TNRC6A: variants seen among roughly 807,000 people sequenced by gnomAD.
The protein encoded by TNRC6A is trinucleotide repeat-containing gene 6A protein.
TNRC6A carries 44 observed loss-of-function variants against 221.2 expected under a neutral mutation model. That is an observed-to-expected ratio of 0.20 (90% CI 0.16 to 0.26). The LOEUF is 0.26. Among genes scored for constraint, TNRC6A ranks in the 10% least tolerant of loss-of-function variants. The pLI is 1.00. For missense variants in TNRC6A, 2,199 were observed against 2,404.4 expected (o/e 0.91, Z 1.79); for synonymous variants, 847 against 838.5 (o/e 1.01, Z -0.18).
intron 3 of TNRC6A, among the ~76,000 whole-genome samples, chr16:24,752,618 T>G (rs899385192): frequency 6.6e-6 from 1 of 152,174 alleles, no homozygotes; most frequent in African/African-American, 2.4e-5. Context: ...AGATTTCTTA[T>G]GAGAAAGTTG....
At chr16:24,815,656 C>G in intron 19 of TNRC6A, 1 of 298,934 alleles carries the variant, frequency 3.3e-6, no homozygotes, top group South Asian at 3.3e-5. Flanking sequence ...GAGATCGAGA[C>G]CATGCTGGCT....
chr16:24,693,481 G>A (rs2055796411), intron 2 of TNRC6A, among the ~76,000 whole-genome samples: 2 of 152,158 alleles, frequency 1.3e-5, no homozygotes, highest in South Asian at 2.1e-4. Context: ...CCAGCTACTC[G>A]GGAGGCTGAG....
chr16:24,630,744 G>C lies in TNRC6A; in HGVS notation n.277-10140G>C, dbSNP rs1271136994. On this transcript the variant is annotated intron_variant and non_coding_transcript_variant, in intron 1 of 2. Transcript: ENST00000566108. Reference sequence around the variant, plus strand: ...GCTATGCTCTCCCCTTTAGGCAAGGGATTCACAGGGCCAAACAAACATGGC... The same window carrying C: ...GCTATGCTCTCCCCTTTAGGCAAGGCATTCACAGGGCCAAACAAACATGGC... 2.0e-5 allele frequency among the ~76,000 whole-genome samples: 3 copies of C among 152,116 alleles called. 1 individual carries two copies. The highest frequency in any genetic ancestry group is 2.0e-4 in the Admixed American group (3 of 15,264).
At position 24,818,701 on chromosome 16, in the gene TNRC6A, G is replaced by A; in HGVS notation, c.5080+1G>A. The A allele has an allele frequency of 6.2e-7, 1 of 1,613,334 alleles. No individual in the cohort carries two copies. Among genetic ancestry groups the A allele is most frequent in the Non-Finnish European group, 8.5e-7 (1 of 1,179,288 alleles). On this transcript the variant is annotated splice_donor_variant, in intron 21 of 24. Coordinates refer to ENST00000395799, the MANE Select transcript of TNRC6A (RefSeq NM_014494.4). LOFTEE classifies it high-confidence loss of function. ...AGCAGTACAGCACAAAGCACTTCAG[G>A]TGGGCCTCGCCTTCGCTCAGGAAGG...
At chr16:24,739,002 A>C (rs535688392) in intron 2 of TNRC6A, among the ~76,000 whole-genome samples, 4 of 152,188 alleles carry the variant, frequency 2.6e-5, no homozygotes, top group Admixed American at 2.6e-4. Context: ...CTGCAGGTGC[A>C]TGCCACCACG....
In TNRC6A at chr16:24,660,739, C is replaced by CTTTTTTTTTTTTTTTTTTT. The variant is rs58299677; in HGVS notation, n.402+19732_402+19750dup. On this transcript the variant is annotated intron_variant and non_coding_transcript_variant, in intron 2 of 2. Transcript: ENST00000566108. Reference sequence around the variant, plus strand: ...TCTTTTTCTTTTTTCTTTTTTTTTTCTTTTTTTTTTTTTTTTTTTTGAGAC... The same window carrying CTTTTTTTTTTTTTTTTTTT: ...TCTTTTTCTTTTTTCTTTTTTTTTTCTTTTTTTTTTTTTTTTTTTTTTTTTTTTTTTTTTTTTTTGAGAC... Among the ~76,000 whole-genome samples the CTTTTTTTTTTTTTTTTTTT allele has an allele frequency of 6.0e-3, 549 of 91,310 alleles. 3 individuals are homozygous for CTTTTTTTTTTTTTTTTTTT. Among genetic ancestry groups the CTTTTTTTTTTTTTTTTTTT allele is most frequent in the East Asian group, 7.0e-3 (19 of 2,712 alleles). The allele number at this position is 91,310 out of a possible 152,430, so 59.9% of individuals were successfully genotyped here.
At chr16:24,628,672 CATATA>C (rs1393366323) in intron 1 of TNRC6A, among the ~76,000 whole-genome samples, 4 of 152,198 alleles carry the variant, frequency 2.6e-5, no homozygotes, top group African/African-American at 9.6e-5. Flanking sequence ...GTATATAATA[CATATA>C]ATATACAAAA....
intron 2 of TNRC6A, among the ~76,000 whole-genome samples, chr16:24,650,118 C>A (rs966927120): frequency 6.6e-6 from 1 of 151,064 alleles, no homozygotes; most frequent in Non-Finnish European, 1.5e-5. Context: ...GCCACCACAC[C>A]CAGCCTCCAG....
rs1197000057 is a variant in TNRC6A at position 24,719,037 on chromosome 16, C to CA, written n.403-31676dup. Among the ~76,000 whole-genome samples, 594 of 85,860 alleles carry CA rather than the reference C, an allele frequency of 6.9e-3. 3 individuals are homozygous for CA. Among genetic ancestry groups the CA allele is most frequent in the Middle Eastern group, 0.022 (3 of 136 alleles). 56.3% of individuals were successfully genotyped at this position (85,860 alleles called of 152,430 possible). A position where few individuals can be genotyped will look rare whatever the true frequency, so the allele number is the denominator to read the frequency against. ...GGGTGACAGAGCAAGACTCTGTCTC[C>CA]AAAAAAAAAAAAAGAAAAGAAAAAG... On this transcript the variant is annotated intron_variant and non_coding_transcript_variant, in intron 2 of 2. Transcript: ENST00000566108.
intron 2 of TNRC6A, among the ~76,000 whole-genome samples, chr16:24,664,500 TA>T (rs1253368661): frequency 1.4e-5 from 2 of 143,222 alleles, no homozygotes; most frequent in Non-Finnish European, 3.0e-5. Flanking sequence ...ATAATAAAAA[TA>T]AATATAATAA....
At chr16:24,759,248 G>T (rs2057313861) in intron 4 of TNRC6A, among the ~76,000 whole-genome samples, 1 of 152,076 alleles carries the variant, frequency 6.6e-6, no homozygotes, top group African/African-American at 2.4e-5. Context: ...AAGTGGGCAG[G>T]GTTGAGGCTG....
chr16:24,739,169 C>G (rs544552048), intron 2 of TNRC6A, among the ~76,000 whole-genome samples: 17 of 152,350 alleles, frequency 1.1e-4, no homozygotes, highest in South Asian at 2.1e-4. Flanking sequence ...TCTCCACATC[C>G]TTTCCATTGC....
chr16:24,793,959 C>T (rs1437855893), intron 7 of TNRC6A, among the ~76,000 whole-genome samples: 2 of 152,150 alleles, frequency 1.3e-5, no homozygotes, highest in Admixed American at 1.3e-4. Context: ...GCCATCCAGC[C>T]TGAGAGGCCA....
chr16:24,673,258 A>G (rs2055343271), intron 2 of TNRC6A, among the ~76,000 whole-genome samples: 1 of 152,214 alleles, frequency 6.6e-6, no homozygotes, highest in Non-Finnish European at 1.5e-5. Context: ...ACAAACTTTG[A>G]TAATGAGAGT....
chr16:24,656,744 G>A (rs2054921128), intron 2 of TNRC6A, among the ~76,000 whole-genome samples: 1 of 152,020 alleles, frequency 6.6e-6, no homozygotes, highest in African/African-American at 2.4e-5. Context: ...TTCTGTTTAT[G>A]TACAAAACAA....
In TNRC6A at chr16:24,804,371, C is replaced by T. The variant is rs114669724; in HGVS notation, c.3837+52C>T. The T allele has an allele frequency of 4.4e-4, 690 of 1,555,908 alleles. 2 individuals carry two copies. The African/African-American group carries it at 8.2e-3, about 18-fold the overall frequency. On this transcript the variant is annotated intron_variant, in intron 12 of 24. Transcript: ENST00000395799. ...CTTGATAAACCAGTATACTTCATAG[C>T]GTAATTTTCACACTAATATTTTAAA... is the stretch of plus-strand genomic sequence containing the variant.
upstream of TNRC6A, among the ~76,000 whole-genome samples, chr16:24,729,488 G>C (rs1316016467): frequency 1.3e-5 from 2 of 151,736 alleles, no homozygotes; most frequent in Non-Finnish European, 2.9e-5. Context: ...TCCGCGGGGC[G>C]CCTCGGAGGC....
At chr16:24,771,582 T>TTATGTTTTATGTTATGTTA in intron 4 of TNRC6A, among the ~76,000 whole-genome samples, 6 of 95,476 alleles carry the variant, frequency 6.3e-5, no homozygotes, top group Non-Finnish European at 1.2e-4. Context: ...TTATGTTATG[T>TTATGTTTTATGTTATGTTA]TGTTATGTTA....
intron 1 of TNRC6A, among the ~76,000 whole-genome samples, chr16:24,620,663 C>T (rs565425277): frequency 1.3e-5 from 2 of 152,148 alleles, no homozygotes; most frequent in East Asian, 3.9e-4. Context: ...CAAAAATTAG[C>T]CGGGCGTGTT....
Sources: gnomAD v4.1 joint callset for allele counts (sites outside exome capture counted in the v4.1 genomes callset) on GRCh38, gnomAD v4.1.1 for gene constraint, MANE v1.5 for transcripts, NCBI Gene and HGNC (gene_info 2026-07-23, HGNC 2026-07-21) for gene names.